CAMKMT: variants seen among roughly 807,000 people sequenced by gnomAD.
CAMKMT encodes the protein CaM KMT.
CAMKMT carries 53 observed loss-of-function variants against 48.0 expected under a neutral mutation model. That is an observed-to-expected ratio of 1.10 (90% confidence interval 0.89 to 1.39). The LOEUF is 1.39. Among genes scored for constraint, CAMKMT ranks in the 40% most tolerant of loss-of-function variants. The pLI is 0.00. For missense variants in CAMKMT, 428 were observed against 402.7 expected, an observed-to-expected ratio of 1.06 and a Z score of -0.54; for synonymous variants, 165 against 152.3, an observed-to-expected ratio of 1.08 and a Z score of -0.61.
chr2:44,474,808 A>C (rs1201947890), intron 3 of CAMKMT, among the ~76,000 whole-genome samples: 1 of 152,128 alleles, frequency 6.6e-6, no homozygotes, highest in Admixed American at 6.6e-5. Flanking sequence ...ATACATGGAA[A>C]CCCTCTATGC....
chr2:44,602,548 G>A (rs1671058199), intron 3 of CAMKMT, among the ~76,000 whole-genome samples: 1 of 152,046 alleles, frequency 6.6e-6, no homozygotes, highest in African/African-American at 2.4e-5. Flanking sequence ...ACCTGAGACT[G>A]GGTAATTTAT....
intron 3 of CAMKMT, among the ~76,000 whole-genome samples, chr2:44,655,163 G>C (rs1674307104): frequency 6.6e-6 from 1 of 152,162 alleles, no homozygotes; most frequent in Non-Finnish European, 1.5e-5. Flanking sequence ...TGTAGACTTT[G>C]AAATGCTGGC....
At chr2:44,613,717 T>G (rs1315665456) in intron 3 of CAMKMT, among the ~76,000 whole-genome samples, 7 of 152,160 alleles carry the variant, frequency 4.6e-5, no homozygotes, top group Non-Finnish European at 1.0e-4. Context: ...ATGATATCCT[T>G]AGGAGTTTAT....
At chr2:44,436,678 A>G (rs1666280592) in intron 3 of CAMKMT, among the ~76,000 whole-genome samples, 1 of 152,114 alleles carries the variant, frequency 6.6e-6, no homozygotes, top group Non-Finnish European at 1.5e-5. Flanking sequence ...TTAGTTTGCC[A>G]ACCTCAGATT....
At chr2:44,576,670 G>A (rs549902578) in intron 3 of CAMKMT, among the ~76,000 whole-genome samples, 6 of 152,318 alleles carry the variant, frequency 3.9e-5, no homozygotes, top group Admixed American at 6.5e-5. Context: ...AGGACAGTGT[G>A]GTTGGTGAGA....
Position 44,405,579 on chromosome 2 carries a change from T to G in CAMKMT, c.376+15274T>G, listed in dbSNP as rs371451306. ...TGGGGTAGAAGAAAAATTAACTTTA[T>G]TAATCTTTGTACTTAATTTGTTTCA... On this transcript the variant is annotated intron_variant, in intron 3 of 10. Transcript: ENST00000378494. 6.6e-5 allele frequency among the ~76,000 whole-genome samples: 10 copies of G among 152,216 alleles called. No individual in the cohort carries two copies. The East Asian group carries it at 1.7e-3, about 26-fold the overall frequency.
chr2:44,423,949 C>T (rs938118689), intron 3 of CAMKMT, among the ~76,000 whole-genome samples: 5 of 152,052 alleles, frequency 3.3e-5, no homozygotes, highest in African/African-American at 9.7e-5. Context: ...ATTGACCACC[C>T]GCCAACATTC....
chr2:44,424,535 G>C (rs1335694711), intron 3 of CAMKMT, among the ~76,000 whole-genome samples: 2 of 152,186 alleles, frequency 1.3e-5, no homozygotes, highest in African/African-American at 2.4e-5. Context: ...AACACAAGCA[G>C]TTAGGTCAGG....
At chr2:44,605,880 A>G (rs968135916) in intron 3 of CAMKMT, among the ~76,000 whole-genome samples, 9 of 152,146 alleles carry the variant, frequency 5.9e-5, no homozygotes, top group African/African-American at 2.2e-4. Flanking sequence ...TCATACATAG[A>G]GCTTCTTTAA....
chr2:44,509,614 G>T (rs979136305), intron 3 of CAMKMT, among the ~76,000 whole-genome samples: 1 of 152,154 alleles, frequency 6.6e-6, no homozygotes, highest in Non-Finnish European at 1.5e-5. Context: ...TGTGGTTTGA[G>T]TATGTCACCA....
intron 3 of CAMKMT, among the ~76,000 whole-genome samples, chr2:44,437,864 A>G (rs1221800784): frequency 6.6e-5 from 10 of 151,020 alleles, no homozygotes; most frequent in Non-Finnish European, 2.9e-5. Flanking sequence ...AAAATGATCA[A>G]ACAGGATTCA....
intron 1 of CAMKMT, among the ~76,000 whole-genome samples, chr2:44,363,092 A>C (rs1469138032): frequency 6.6e-6 from 1 of 152,180 alleles, no homozygotes; most frequent in African/African-American, 2.4e-5. Flanking sequence ...AGTTGCCTTG[A>C]GTCACCTTTT....
chr2:44,563,373 A>G (rs1184909486), intron 3 of CAMKMT, among the ~76,000 whole-genome samples: 1 of 151,730 alleles, frequency 6.6e-6, no homozygotes, highest in Non-Finnish European at 1.5e-5. Context: ...TAATAGTATT[A>G]TTGTTTTGCC....
intron 7 of CAMKMT, among the ~76,000 whole-genome samples, chr2:44,735,273 C>G (rs1045702994): frequency 5.3e-5 from 8 of 152,182 alleles, no homozygotes; most frequent in African/African-American, 1.7e-4. Context: ...GCCACATGTA[C>G]TTCGGTCTAG....
At chr2:44,562,199 T>C (rs7561661) in intron 3 of CAMKMT, among the ~76,000 whole-genome samples, 98,003 of 152,054 alleles carry the variant, frequency 0.64, 32,074 homozygotes, top group Admixed American at 0.71. Flanking sequence ...AAGAGCCATG[T>C]CCCCCTTCCC....
chr2:44,375,386 A>T (rs1679582226), intron 2 of CAMKMT, among the ~76,000 whole-genome samples: 1 of 151,588 alleles, frequency 6.6e-6, no homozygotes, highest in South Asian at 2.1e-4. Flanking sequence ...ATAAAAAAAC[A>T]GAAATAAATA....
At chr2:44,492,539 T>C (rs1168955530) in intron 3 of CAMKMT, among the ~76,000 whole-genome samples, 1 of 152,170 alleles carries the variant, frequency 6.6e-6, no homozygotes, top group Non-Finnish European at 1.5e-5. Flanking sequence ...GTTTTGCATC[T>C]GAGAGTGCGT....
At chr2:44,521,326 T>G (rs149709220) in intron 3 of CAMKMT, among the ~76,000 whole-genome samples, 2,683 of 151,862 alleles carry the variant, frequency 0.018, 81 homozygotes, top group African/African-American at 0.061. Context: ...GTTGCCAGGC[T>G]GGAGTGCAGT....
chr2:44,396,371 T>C (rs577493882), intron 3 of CAMKMT, among the ~76,000 whole-genome samples: 111 of 152,294 alleles, frequency 7.3e-4, no homozygotes, highest in African/African-American at 2.6e-3. Flanking sequence ...AGATGTATTT[T>C]CTTTATAAAG....
Sources: gnomAD v4.1 joint callset for allele counts (sites outside exome capture counted in the v4.1 genomes callset) on GRCh38, gnomAD v4.1.1 for gene constraint, MANE v1.5 for transcripts, NCBI Gene and HGNC (gene_info 2026-07-23, HGNC 2026-07-21) for gene names.